PRKAB2: variants seen among roughly 807,000 people sequenced by gnomAD.
PRKAB2 encodes 5'-AMP-activated protein kinase subunit beta-2.
Under a neutral mutation model 29.8 loss-of-function variants are expected in PRKAB2, and 18 were observed. The observed-to-expected ratio is 0.60, with a 90% confidence interval of 0.42 to 0.89. The LOEUF (loss-of-function observed/expected upper bound fraction) is 0.89, where lower values mean the gene tolerates loss of function less well. Ranked by LOEUF, PRKAB2 falls within the 40% of genes least tolerant of loss-of-function variation. The probability of loss-of-function intolerance (pLI) is 0.00; values close to 1 mark genes in which losing one functional copy is unlikely to be tolerated. For missense variants in PRKAB2, 270 were observed against 344.3 expected, an observed-to-expected ratio of 0.78 and a Z score of 1.71; for synonymous variants, 136 against 125.9, an observed-to-expected ratio of 1.08 and a Z score of -0.54.
At position 147,165,705 on chromosome 1, in the gene PRKAB2, A is replaced by T. The variant is rs1553913584; in HGVS notation, c.538+793T>A. ...ATAATATTAGAGGAAATAAAAGTGT[A>T]AAGATATTTTCCGCTACCATAGACT... is the stretch of plus-strand genomic sequence containing the variant. On this transcript the variant is annotated intron_variant, in intron 5 of 7. Coordinates refer to ENST00000254101, the MANE Select transcript of PRKAB2 (RefSeq NM_005399.5). Among the ~76,000 whole-genome samples, 4 of 152,208 alleles carry T rather than the reference A, an allele frequency of 2.6e-5. No individual in the cohort carries two copies. In the South Asian group the frequency reaches 8.3e-4, roughly 32 times the overall value.
At position 147,162,574 on chromosome 1, in the gene PRKAB2, C is replaced by G; in HGVS notation, c.539-1G>C. The G allele has an allele frequency of 6.2e-7, 1 of 1,601,952 alleles. No individual in the cohort carries two copies. The highest frequency in any genetic ancestry group is 8.5e-7 in the Non-Finnish European group (1 of 1,175,028). On this transcript the variant is annotated splice_acceptor_variant, in intron 5 of 7. Coordinates refer to ENST00000254101, the MANE Select transcript of PRKAB2 (RefSeq NM_005399.5). LOFTEE classifies it high-confidence loss of function. ...GGCCCTGGGGGTGAGCTGGAAAGGT[C>G]TGAAAGATATTTATACAAATATGAG...
At chr1:147,165,462 C>A (rs1654193509) in intron 5 of PRKAB2, among the ~76,000 whole-genome samples, 1 of 152,096 alleles carries the variant, frequency 6.6e-6, no homozygotes, top group Non-Finnish European at 1.5e-5. Flanking sequence ...AAACTCAGAA[C>A]GAAAAAGGTT....
rs782492850 is a variant in PRKAB2 at position 147,161,805 on chromosome 1, T to TA, written c.673-26dup. On this transcript the variant is annotated intron_variant, in intron 6 of 7. Coordinates refer to ENST00000254101, the MANE Select transcript of PRKAB2 (RefSeq NM_005399.5). Reference sequence around the variant, plus strand: ...ACTAAGAGAAAGAGAAAAAAATTACTAAAAAAATTACTAAATGAAATTAAT... The same window carrying TA: ...ACTAAGAGAAAGAGAAAAAAATTACTAAAAAAAATTACTAAATGAAATTAAT... 147 of 1,551,172 alleles carry TA rather than the reference T, an allele frequency of 9.5e-5. No homozygotes were observed. In the African/African-American group the frequency reaches 1.8e-3, roughly 19 times the overall value.
At chr1:147,166,822 T>A in intron 4 of PRKAB2, 24 bp downstream of exon 4, 1 of 1,602,226 alleles carries the variant, frequency 6.2e-7, no homozygotes, top group Non-Finnish European at 8.6e-7. Flanking sequence ...AGTCAATGGT[T>A]ACCCTTGGAG....
At chr1:147,162,302 T>C in intron 6 of PRKAB2, 138 bp downstream of exon 6, 2 of 839,144 alleles carry the variant, frequency 2.4e-6, no homozygotes, top group Non-Finnish European at 3.4e-6. Context: ...AAAAAGGAAA[T>C]CTGTAATGTT....
rs1445453243 is a variant in PRKAB2, at chr1:147,156,363, T to C, written c.*3202A>G. The C allele has an allele frequency of 6.6e-6, 1 of 152,578 alleles. No individual in the cohort carries two copies. Among genetic ancestry groups the C allele is most frequent in the African/African-American group, 2.4e-5 (1 of 41,428 alleles). The allele number at this position is 152,578 out of a possible 1,614,324, so 9.5% of individuals were successfully genotyped here. A position where few individuals can be genotyped will look rare whatever the true frequency, so the allele number is the denominator to read the frequency against. ...TTAATATAAACCCAGTCTAGAGGTA[T>C]CACTTCTTTCCAAACTTAACTTCAT... On this transcript the variant is annotated 3_prime_UTR_variant, in exon 8 of 8. Coordinates refer to ENST00000254101, the MANE Select transcript of PRKAB2 (RefSeq NM_005399.5).
intron 5 of PRKAB2, 32 bp from the exon 6 acceptor site, chr1:147,162,605 G>A: frequency 6.3e-7 from 1 of 1,578,368 alleles, no homozygotes; most frequent in Non-Finnish European, 8.6e-7. Context: ...ATGAGAAAGA[G>A]TTGGAGAATT....
Position 147,162,484 on chromosome 1 carries a change from G to C in PRKAB2, c.628C>G (p.Pro210Ala). ...TTAAGAATAACTTGAAGTAGATGAGGAGGAAGGATGGGTGGGGATTTGAAT... is the reference window on the plus strand; with the variant it reads ...TTAAGAATAACTTGAAGTAGATGAGCAGGAAGGATGGGTGGGGATTTGAAT... ...ERFKSPPILP[P>A]HLLQVILNKD... The change falls in exon 6 of 8, where the codon CCT becomes GCT. Residue 210 changes from proline to alanine, a missense_variant. This residue lies in a region of PRKAB2 where 42 missense variants were observed against 88.8 expected (regional missense o/e 0.47). Transcript: ENST00000254101. 1 of 1,612,228 alleles carries C rather than the reference G, an allele frequency of 6.2e-7. No homozygotes were observed. The highest frequency in any genetic ancestry group is 8.5e-7 in the Non-Finnish European group (1 of 1,178,378).
chr1:147,171,956 T>G (rs1654643893), intron 2 of PRKAB2, 33 bp downstream of exon 2: 1 of 1,587,628 alleles, frequency 6.3e-7, no homozygotes, highest in East Asian at 2.3e-5. Context: ...CCCGCTGCAG[T>G]ACTGACACCA....
chr1:147,172,336 G>A (rs1485936502), intron 1 of PRKAB2, 93 bp downstream of exon 1: 7 of 756,164 alleles, frequency 9.3e-6, no homozygotes, highest in African/African-American at 3.7e-5. Flanking sequence ...CAAATACCCC[G>A]GTGCCCTCAC....
At chr1:147,161,064 T>C (rs1297767093) in intron 7 of PRKAB2, among the ~76,000 whole-genome samples, 2 of 152,104 alleles carry the variant, frequency 1.3e-5, no homozygotes, top group Non-Finnish European at 2.9e-5. Flanking sequence ...TTTACAATCT[T>C]CTCCAGGAGA....
intron 5 of PRKAB2, among the ~76,000 whole-genome samples, chr1:147,166,123 A>C (rs1321347765): frequency 1.3e-5 from 2 of 152,186 alleles, no homozygotes; most frequent in Non-Finnish European, 2.9e-5. Flanking sequence ...AACCAAACAA[A>C]CTACACACAT....
chr1:147,171,470 G>C (rs1654577245), intron 2 of PRKAB2, among the ~76,000 whole-genome samples: 1 of 152,176 alleles, frequency 6.6e-6, no homozygotes, highest in Non-Finnish European at 1.5e-5. Context: ...GCAAGTAGTT[G>C]CTGCTTACAG....
chr1:147,161,047 C>A (rs1259717667), intron 7 of PRKAB2, among the ~76,000 whole-genome samples: 1 of 152,048 alleles, frequency 6.6e-6, no homozygotes, highest in African/African-American at 2.4e-5. Flanking sequence ...GCTGCTGAAT[C>A]TGTATTTTTA....
chr1:147,166,995 T>TA, intron 3 of PRKAB2, 56 bp from the exon 4 acceptor site: 3 of 1,414,106 alleles, frequency 2.1e-6, no homozygotes, highest in Non-Finnish European at 3.0e-6. Flanking sequence ...AGACTGAATC[T>TA]AAAAAACAAG....
In PRKAB2 at chr1:147,155,216, G is replaced by T. The variant is rs1264989841; in HGVS notation, c.*4349C>A. 1.3e-5 allele frequency: 2 copies of T among 152,304 alleles called. No individual in the cohort carries two copies. The highest frequency in any genetic ancestry group is 4.1e-4 in the South Asian group (2 of 4,824). The allele number at this position is 152,304 out of a possible 1,614,324, so 9.4% of individuals were successfully genotyped here. On this transcript the variant is annotated 3_prime_UTR_variant, in exon 8 of 8. Transcript: ENST00000254101. ...GTGTCAGAGTCCAGTGACAAATTAC[G>T]TTTGAAGAACAGCTTTAAAATCCAC...
Position 147,159,547 on chromosome 1 carries a change from A to T in PRKAB2, c.*18T>A. ...GGAGATGCTTCTCCTGAATCCTTAG[A>T]GGCAAGAAGGGATCCCTTCAAATGG... is the stretch of plus-strand genomic sequence containing the variant. On this transcript the variant is annotated 3_prime_UTR_variant, in exon 8 of 8. Transcript: ENST00000254101. 3 of 1,601,908 alleles carry T rather than the reference A, an allele frequency of 1.9e-6. No individual in the cohort carries two copies. Among genetic ancestry groups the T allele is most frequent in the Non-Finnish European group, 2.6e-6 (3 of 1,169,560 alleles).
Position 147,159,462 on chromosome 1 carries a change from G to T in PRKAB2, c.*103C>A, listed in dbSNP as rs1293565285. 4.1e-6 allele frequency: 4 copies of T among 982,806 alleles called. No homozygotes were observed. Among genetic ancestry groups the T allele is most frequent in the Non-Finnish European group, 6.2e-6 (4 of 642,252 alleles). The allele number at this position is 982,806 out of a possible 1,614,324, so 60.9% of individuals were successfully genotyped here. Reference sequence around the variant, plus strand: ...CAGAGGCTCTGAAACACACATATCAGCCTCAAAGCAAATCAGCCTTCCAGT... The same window carrying T: ...CAGAGGCTCTGAAACACACATATCATCCTCAAAGCAAATCAGCCTTCCAGT... On this transcript the variant is annotated 3_prime_UTR_variant, in exon 8 of 8. Transcript: ENST00000254101.
At chr1:147,165,492 G>A (rs143935557) in intron 5 of PRKAB2, among the ~76,000 whole-genome samples, 21 of 152,296 alleles carry the variant, frequency 1.4e-4, no homozygotes, top group Non-Finnish European at 2.6e-4. Flanking sequence ...GTTCATGATG[G>A]CAAAACTAGT....
Sources: allele counts gnomAD v4.1 joint callset (sites outside exome capture counted in the v4.1 genomes callset), GRCh38; gene constraint gnomAD v4.1.1; regional missense constraint gnomAD v4.1.1; transcripts MANE v1.5; gene names NCBI Gene and HGNC (gene_info 2026-07-23, HGNC 2026-07-21).